Variants in STRN observed in about 807,000 individuals in gnomAD.
STRN encodes striatin, also known as protein phosphatase 2 regulatory subunit B'''alpha.
STRN carries 53 observed loss-of-function variants against 96.3 expected under a neutral mutation model. That is an observed-to-expected ratio of 0.55 (90% CI 0.44 to 0.69). STRN has a LOEUF of 0.69. Among genes scored for constraint, STRN ranks in the 30% least tolerant of loss-of-function variants. The pLI is 0.00. For missense variants in STRN, 987 were observed against 963.9 expected (o/e 1.02, Z -0.32); for synonymous variants, 428 against 355.9 (o/e 1.20, Z -2.28).
intron 1 of STRN, among the ~76,000 whole-genome samples, chr2:36,952,181 A>G (rs1047829888): frequency 1.3e-5 from 2 of 152,208 alleles, no homozygotes; most frequent in African/African-American, 4.8e-5. Flanking sequence ...ATATACATCT[A>G]TATACTATTA....
At chr2:36,938,755 T>C (rs1670768608) in intron 1 of STRN, among the ~76,000 whole-genome samples, 1 of 152,184 alleles carries the variant, frequency 6.6e-6, no homozygotes, top group Admixed American at 6.5e-5. Context: ...TAATGACAAT[T>C]TTGTGATTTT....
At chr2:36,911,256 C>G (rs1400422247) in intron 3 of STRN, among the ~76,000 whole-genome samples, 1 of 152,192 alleles carries the variant, frequency 6.6e-6, no homozygotes, top group Non-Finnish European at 1.5e-5. Context: ...CCCTCTCTAG[C>G]TGTCATATCT....
intron 4 of STRN, 30 bp from the exon 5 acceptor site, chr2:36,902,781 C>T: frequency 6.5e-7 from 1 of 1,538,544 alleles, no homozygotes; most frequent in Non-Finnish European, 8.8e-7. Flanking sequence ...AGAGTTCAGT[C>T]ATACTGGAAT....
chr2:36,853,227 T>C (rs1374839670), intron 15 of STRN, among the ~76,000 whole-genome samples: 1 of 152,172 alleles, frequency 6.6e-6, no homozygotes, highest in East Asian at 1.9e-4. Flanking sequence ...TTACACCTGG[T>C]TTAGATCCTA....
chr2:36,928,023 T>A (rs1394091153), intron 1 of STRN, among the ~76,000 whole-genome samples: 2 of 152,146 alleles, frequency 1.3e-5, no homozygotes, highest in Non-Finnish European at 2.9e-5. Context: ...GGACCTGAAC[T>A]AAGACCTTTG....
At chr2:36,855,687 T>C (rs866495355) in intron 14 of STRN, among the ~76,000 whole-genome samples, 5 of 152,154 alleles carry the variant, frequency 3.3e-5, no homozygotes, top group Admixed American at 2.0e-4. Context: ...TAGAGTGACA[T>C]AGTGGGAATT....
intron 12 of STRN, among the ~76,000 whole-genome samples, chr2:36,865,697 G>C (rs1249431185): frequency 6.6e-6 from 1 of 152,002 alleles, no homozygotes; most frequent in African/African-American, 2.4e-5. Flanking sequence ...GAGTAGCTGG[G>C]ATTACAGGTG....
rs534024212 is a variant in STRN, at chr2:36,842,705, C to A, written c.*6751G>T. Among the ~76,000 whole-genome samples the A allele has an allele frequency of 8.3e-4, 126 of 151,728 alleles. No individual in the cohort carries two copies. Among genetic ancestry groups the A allele is most frequent in the Admixed American group, 4.1e-3 (63 of 15,250 alleles). ...GTAGGGTTTGAGTGATACTTAGAAG[C>A]GAGTCATTTTATGTTTGGTGGGTTT... On this transcript the variant is annotated 3_prime_UTR_variant, in exon 18 of 18. Transcript: ENST00000263918.
chr2:36,888,808 G>C (rs933186825), intron 7 of STRN, among the ~76,000 whole-genome samples: 1 of 152,064 alleles, frequency 6.6e-6, no homozygotes, highest in Non-Finnish European at 1.5e-5. Flanking sequence ...TGCCCTGCAA[G>C]TAGCTGGGAC....
chr2:36,919,117 A>G (rs925819033), intron 2 of STRN, among the ~76,000 whole-genome samples: 3 of 152,174 alleles, frequency 2.0e-5, no homozygotes, highest in Admixed American at 6.5e-5. Flanking sequence ...TGCTAAAAAT[A>G]ATTTGATTAA....
At chr2:36,946,363 A>G (rs1464666065) in intron 1 of STRN, among the ~76,000 whole-genome samples, 5 of 152,238 alleles carry the variant, frequency 3.3e-5, no homozygotes, top group Non-Finnish European at 5.9e-5. Context: ...TGTGTTGGAA[A>G]TAACCAGTTA....
At chr2:36,890,185 G>C (rs1363497548) in intron 7 of STRN, among the ~76,000 whole-genome samples, 1 of 152,122 alleles carries the variant, frequency 6.6e-6, no homozygotes, top group Non-Finnish European at 1.5e-5. Flanking sequence ...AAGCTCAGTA[G>C]GGAATAAGAC....
Position 36,850,995 on chromosome 2 carries a change from C to A in STRN, c.2086+5G>T, listed in dbSNP as rs577979127. 1 of 1,519,684 alleles carries A rather than the reference C, an allele frequency of 6.6e-7. No individual in the cohort carries two copies. The allele number at this position is 1,519,684 out of a possible 1,614,324, so 94.1% of individuals were successfully genotyped here. ...AATAAAAATCAATTCTTAATAAATTCTTACCTGTATTGTTATCATAGAATT... is the reference window on the plus strand; with the variant it reads ...AATAAAAATCAATTCTTAATAAATTATTACCTGTATTGTTATCATAGAATT... On this transcript the variant is annotated splice_donor_5th_base_variant and intron_variant, in intron 16 of 17. Coordinates refer to ENST00000263918, the MANE Select transcript of STRN (RefSeq NM_003162.4).
At chr2:36,877,183 CCTA>C (rs1381843722) in intron 10 of STRN, among the ~76,000 whole-genome samples, 1 of 152,162 alleles carries the variant, frequency 6.6e-6, no homozygotes, top group Non-Finnish European at 1.5e-5. Flanking sequence ...TACATCCATG[CCTA>C]CTACTAATTA....
At chr2:36,853,491 G>A (rs1245016850) in intron 15 of STRN, among the ~76,000 whole-genome samples, 1 of 152,160 alleles carries the variant, frequency 6.6e-6, no homozygotes, top group Admixed American at 6.5e-5. Flanking sequence ...GTTCTTATTT[G>A]GTAACACTTT....
At position 36,845,925 on chromosome 2, in the gene STRN, A is replaced by ACACACACACACACGCATG. The variant is rs1668061126; in HGVS notation, c.*3530_*3531insCATGCGTGTGTGTGTGTG. 1.0e-5 allele frequency: 1 copy of ACACACACACACACGCATG among 96,576 alleles called. No homozygotes were observed. The highest frequency in any genetic ancestry group is 5.4e-5 in the African/African-American group (1 of 18,452). 6.0% of individuals were successfully genotyped at this position (96,576 alleles called of 1,614,324 possible). A position where few individuals can be genotyped will look rare whatever the true frequency, so the allele number is the denominator to read the frequency against. On this transcript the variant is annotated 3_prime_UTR_variant, in exon 18 of 18. Transcript: ENST00000263918. ...CACACACGCATGCATGCACACACACACACACACACACACACACACACACAC... is the reference window on the plus strand; with the variant it reads ...CACACACGCATGCATGCACACACACACACACACACACACGCATGCACACACACACACACACACACACAC...
At chr2:36,897,801 G>T (rs901135716) in intron 6 of STRN, among the ~76,000 whole-genome samples, 2 of 151,964 alleles carry the variant, frequency 1.3e-5, no homozygotes, top group African/African-American at 4.8e-5. Flanking sequence ...AAATTCCTGG[G>T]CTCAAGCGAT....
rs1452519380 is a variant in STRN at position 36,843,776 on chromosome 2, C to T, written c.*5680G>A. On this transcript the variant is annotated 3_prime_UTR_variant, in exon 18 of 18. Transcript: ENST00000263918. ...CCCAAATCTGACAAATATTCCAATTCATGAGACACCTATAGCATGTTATCT... is the reference window on the plus strand; with the variant it reads ...CCCAAATCTGACAAATATTCCAATTTATGAGACACCTATAGCATGTTATCT... 3 of 152,154 alleles carry T rather than the reference C, an allele frequency of 2.0e-5. 1 individual carries two copies. Among genetic ancestry groups the T allele is most frequent in the African/African-American group, 4.8e-5 (2 of 41,444 alleles). The allele number at this position is 152,154 out of a possible 1,614,324, so 9.4% of individuals were successfully genotyped here. A position where few individuals can be genotyped will look rare whatever the true frequency, so the allele number is the denominator to read the frequency against.
chr2:36,863,116 T>C (rs1304088039), intron 12 of STRN, among the ~76,000 whole-genome samples: 1 of 152,216 alleles, frequency 6.6e-6, no homozygotes, highest in Non-Finnish European at 1.5e-5. Context: ...TCTCTCATTC[T>C]GTGGGTTGTC....
Sources: gnomAD v4.1 joint callset for allele counts (sites outside exome capture counted in the v4.1 genomes callset) on GRCh38, gnomAD v4.1.1 for gene constraint, MANE v1.5 for transcripts, NCBI Gene and HGNC (gene_info 2026-07-23, HGNC 2026-07-21) for gene names.